Variants in MTFR1 observed in about 807,000 individuals in gnomAD.
The protein encoded by MTFR1 is chondrocyte protein with a poly-proline region.
In MTFR1, 28 loss-of-function variants were observed where a neutral mutation model predicts 38.8. That is an observed-to-expected ratio of 0.72 (90% CI 0.53 to 0.99). The LOEUF is 0.99. Ranked by LOEUF, MTFR1 falls within the 50% of genes least tolerant of loss-of-function variation. The pLI, the probability that MTFR1 is intolerant of heterozygous loss-of-function variation, is 0.00. For synonymous variants in MTFR1, 145 were observed against 137.0 expected (o/e 1.06, Z -0.41); for missense variants, 358 against 395.5 (o/e 0.91, Z 0.81).
intron 4 of MTFR1, among the ~76,000 whole-genome samples, chr8:65,694,249 A>G (rs1335268332): frequency 2.6e-5 from 4 of 151,544 alleles, no homozygotes; most frequent in Admixed American, 1.3e-4. Context: ...TAATTTTTGT[A>G]TTTTTAGTAG....
downstream of MTFR1, among the ~76,000 whole-genome samples, chr8:65,773,570 AT>A (rs1012821162): frequency 6.6e-6 from 1 of 152,004 alleles, no homozygotes; most frequent in Non-Finnish European, 1.5e-5. Context: ...AATTTGAACC[AT>A]TTTTTTGTCA....
intron 3 of MTFR1, among the ~76,000 whole-genome samples, chr8:65,766,695 G>T (rs1808803277): frequency 6.6e-6 from 1 of 152,060 alleles, no homozygotes. Context: ...CTCCCAATTT[G>T]TTGGGGCTAC....
At chr8:65,697,252 T>C (rs920690778) in intron 4 of MTFR1, among the ~76,000 whole-genome samples, 3 of 152,168 alleles carry the variant, frequency 2.0e-5, no homozygotes, top group African/African-American at 7.2e-5. Context: ...CCCTAAGTGT[T>C]GGGATTACAG....
chr8:65,660,147 C>T lies in MTFR1; in HGVS notation c.-80-9726C>T, dbSNP rs370401468. ...TCTACTAAAAATACAAAAAATTAGC[C>T]AGGCATGGTGGTACATGCCTGTAAT... On this transcript the variant is annotated intron_variant, in intron 1 of 7. Transcript: ENST00000262146. Among the ~76,000 whole-genome samples, 3 of 152,118 alleles carry T rather than the reference C, an allele frequency of 2.0e-5. No homozygotes were observed. The South Asian group carries it at 6.2e-4, about 32-fold the overall frequency.
At chr8:65,750,022 G>A (rs1158605891) in intron 3 of MTFR1, among the ~76,000 whole-genome samples, 2 of 21,876 alleles carry the variant, frequency 9.1e-5, no homozygotes, top group African/African-American at 3.9e-4. Context: ...TAATAGCATG[G>A]CATGAATATG....
intron 4 of MTFR1, among the ~76,000 whole-genome samples, chr8:65,700,981 A>G (rs1019249993): frequency 1.3e-5 from 2 of 152,204 alleles, no homozygotes; most frequent in African/African-American, 2.4e-5. Context: ...CCTCTGCCCT[A>G]TGTTTATTTT....
intron 4 of MTFR1, among the ~76,000 whole-genome samples, chr8:65,694,083 T>C (rs1805362179): frequency 1.3e-5 from 2 of 150,168 alleles, no homozygotes; most frequent in Admixed American, 1.3e-4. Flanking sequence ...TTTTTTTTTT[T>C]TTTTTTTTTT....
chr8:65,707,315 C>A, intron 6 of MTFR1, 59 bp downstream of exon 6: 1 of 1,542,054 alleles, frequency 6.5e-7, no homozygotes, highest in Non-Finnish European at 8.8e-7. Flanking sequence ...ACCAAAGTAC[C>A]AGGCTTCTTG....
In MTFR1 at chr8:65,709,009, A is replaced by G. The variant is rs768910941; in HGVS notation, c.967A>G (p.Met323Val). ...GPHMLKPTGKMKALIENVSDS is the reference protein window; with the variant it reads ...GPHMLKPTGKVKALIENVSDS ...ACACATGTTGAAGCCAACAGGAAAA[A>G]TGAAGGCTTTAATTGAAAATGTATC... The change falls in exon 8 of 8, where the codon ATG (methionine) becomes GTG (valine). Residue 323 changes from methionine to valine, a missense_variant. Met to Val is a conservative substitution (Grantham distance 21). Coordinates refer to ENST00000262146, the MANE Select transcript of MTFR1 (RefSeq NM_014637.4). The G allele has an allele frequency of 1.2e-6, 2 of 1,614,042 alleles. No homozygotes were observed. Among genetic ancestry groups the G allele is most frequent in the Non-Finnish European group, 1.7e-6 (2 of 1,179,902 alleles).
intron 3 of MTFR1, among the ~76,000 whole-genome samples, chr8:65,740,163 T>G (rs1269511910): frequency 1.5e-5 from 2 of 137,872 alleles, no homozygotes; most frequent in Non-Finnish European, 3.1e-5. Context: ...AATCTGAGAG[T>G]TGCTTGGGGG....
At chr8:65,650,277 A>G (rs1180354944) in intron 1 of MTFR1, among the ~76,000 whole-genome samples, 5 of 135,908 alleles carry the variant, frequency 3.7e-5, no homozygotes, top group Admixed American at 7.6e-5. Flanking sequence ...GGTTCAAGCA[A>G]TTCTCTGCCT....
chr8:65,739,161 T>C (rs1304950272), intron 3 of MTFR1, among the ~76,000 whole-genome samples: 1 of 152,226 alleles, frequency 6.6e-6, no homozygotes. Context: ...TGTAAATCTA[T>C]TATGGTGCCA....
chr8:65,650,587 A>T (rs1360188334), intron 1 of MTFR1, among the ~76,000 whole-genome samples: 1 of 152,184 alleles, frequency 6.6e-6, no homozygotes, highest in Non-Finnish European at 1.5e-5. Context: ...GCTTAACATA[A>T]TATCCTCCAG....
chr8:65,692,560 G>A (rs543283119), intron 3 of MTFR1, among the ~76,000 whole-genome samples: 5 of 151,664 alleles, frequency 3.3e-5, no homozygotes, highest in African/African-American at 7.2e-5. Context: ...AGCTGGTTTC[G>A]AACTCCTGAC....
At chr8:65,713,601 G>T (rs573857939), downstream of MTFR1, among the ~76,000 whole-genome samples, 119 of 152,294 alleles carry the variant, frequency 7.8e-4, 2 homozygotes, top group Middle Eastern at 3.4e-3. Context: ...TGTAATTGAT[G>T]AAAGTATTTT....
At chr8:65,684,058 C>T (rs910058108) in intron 3 of MTFR1, among the ~76,000 whole-genome samples, 1 of 152,132 alleles carries the variant, frequency 6.6e-6, no homozygotes, top group Non-Finnish European at 1.5e-5. Context: ...TGTGCTTCAG[C>T]GTTTGCATTC....
chr8:65,695,852 G>C (rs1805426403), intron 4 of MTFR1, among the ~76,000 whole-genome samples: 1 of 152,128 alleles, frequency 6.6e-6, no homozygotes, highest in South Asian at 2.1e-4. Flanking sequence ...ATATGAGAGT[G>C]CCCAAGAAGC....
chr8:65,737,198 C>T (rs1205391063), intron 3 of MTFR1, among the ~76,000 whole-genome samples: 1 of 152,100 alleles, frequency 6.6e-6, no homozygotes, highest in East Asian at 1.9e-4. Flanking sequence ...AGATATGCTG[C>T]ACAAAAGATA....
intron 4 of MTFR1, among the ~76,000 whole-genome samples, chr8:65,702,268 TTTTCTTTGTTTCTTTTC>T (rs1805633043): frequency 8.2e-6 from 1 of 122,402 alleles, no homozygotes; most frequent in Non-Finnish European, 2.0e-5. Flanking sequence ...GTTAGTTTTC[TTTTCTTTGTTTCTTTTC>T]TTTCTTTCTT....
Sources: allele counts gnomAD v4.1 joint callset (sites outside exome capture counted in the v4.1 genomes callset), GRCh38; gene constraint gnomAD v4.1.1; transcripts MANE v1.5; gene names NCBI Gene and HGNC (gene_info 2026-07-23, HGNC 2026-07-21).